The following CFAP107 variants were observed in gnomAD, a reference collection of about 807,000 sequenced individuals.
The protein encoded by CFAP107 is cilia- and flagella-associated protein 107.
the CFAP107 span, chr1:12,759,212 C>T: frequency 1.6e-4 from 221 of 1,379,390 alleles, 1 homozygote; most frequent in Middle Eastern, 9.3e-4. Flanking sequence ...TCTCCATCAG[C>T]ACCACAGACC....
chr1:12,760,493 A>G, the CFAP107 span, among the ~76,000 whole-genome samples: 2 of 152,292 alleles, frequency 1.3e-5, no homozygotes, highest in East Asian at 3.9e-4. Flanking sequence ...GCCACGCACA[A>G]CCACACCATG....
chr1:12,759,248 A>T, the CFAP107 span: 1 of 1,577,130 alleles, frequency 6.3e-7, no homozygotes, highest in Non-Finnish European at 8.7e-7. Context: ...TCCTGTCTCC[A>T]CCATGGCCAG....
chr1:12,750,230 A>G, the CFAP107 span, among the ~76,000 whole-genome samples: 10,595 of 152,256 alleles, frequency 0.07, 758 homozygotes, highest in African/African-American at 0.19. Flanking sequence ...AATGCCTATA[A>G]AATATTCACA....
At chr1:12,752,963 T>A in the CFAP107 span, among the ~76,000 whole-genome samples, 1 of 152,164 alleles carries the variant, frequency 6.6e-6, no homozygotes, top group Admixed American at 6.5e-5. Context: ...ACAGGAAACC[T>A]CTAATGATTT....
chr1:12,750,497 A>G, the CFAP107 span, among the ~76,000 whole-genome samples: 1 of 152,210 alleles, frequency 6.6e-6, no homozygotes, highest in Non-Finnish European at 1.5e-5. Flanking sequence ...GTGACTATAG[A>G]TTGAAGTACA....
chr1:12,755,270 C>T, the CFAP107 span, among the ~76,000 whole-genome samples: 6 of 152,126 alleles, frequency 3.9e-5, no homozygotes, highest in South Asian at 2.1e-4. Context: ...CTGGGCATGG[C>T]GGCCCATGCC....
chr1:12,746,491 A>G, the CFAP107 span: 3 of 1,613,794 alleles, frequency 1.9e-6, no homozygotes, highest in Non-Finnish European at 2.5e-6. Context: ...GATTGAGACC[A>G]AGTATTCAAC....
the CFAP107 span, among the ~76,000 whole-genome samples, chr1:12,757,051 C>T: frequency 6.6e-6 from 1 of 152,244 alleles, no homozygotes. Context: ...TGCTGAGCTT[C>T]ACCAGCAGTG....
chr1:12,754,235 C>A, the CFAP107 span, among the ~76,000 whole-genome samples: 2 of 152,264 alleles, frequency 1.3e-5, no homozygotes, highest in South Asian at 4.1e-4. Flanking sequence ...AGGTATTTCT[C>A]CAAAGAAGAT....
At chr1:12,760,984 T>C in the CFAP107 span, 1 of 1,573,854 alleles carries the variant, frequency 6.4e-7, no homozygotes, top group Non-Finnish European at 8.6e-7. Flanking sequence ...TCAGATAGAA[T>C]CAGCTGGAGA....
chr1:12,760,671 T>G, the CFAP107 span: 2 of 1,255,490 alleles, frequency 1.6e-6, no homozygotes, highest in Non-Finnish European at 1.1e-6. Flanking sequence ...CCTGGGAAAA[T>G]CTCCAGGGCC....
the CFAP107 span, among the ~76,000 whole-genome samples, chr1:12,756,508 G>T: frequency 4.6e-5 from 7 of 152,220 alleles, no homozygotes; most frequent in African/African-American, 1.7e-4. Context: ...AGCAGGCACA[G>T]CCTGGGGAGA....
the CFAP107 span, chr1:12,755,833 G>A: frequency 5.9e-6 from 9 of 1,514,176 alleles, no homozygotes; most frequent in East Asian, 1.4e-4. Flanking sequence ...AGTGGCAACT[G>A]GGACACTCAG....
chr1:12,747,604 C>A, the CFAP107 span, among the ~76,000 whole-genome samples: 2 of 152,156 alleles, frequency 1.3e-5, no homozygotes, highest in African/African-American at 4.8e-5. Context: ...GAATACTCAG[C>A]TTTGGTATGG....
At chr1:12,746,673 T>C in the CFAP107 span, 179 of 659,996 alleles carry the variant, frequency 2.7e-4, 1 homozygote, top group African/African-American at 2.8e-3. Context: ...TTGGGGTCTC[T>C]GTGCTCTACA....
chr1:12,754,720 T>C, the CFAP107 span, among the ~76,000 whole-genome samples: 1 of 152,290 alleles, frequency 6.6e-6, no homozygotes, highest in African/African-American at 2.4e-5. Flanking sequence ...ATGGATGAAT[T>C]TGGAAGACAT....
At chr1:12,755,777 C>A in the CFAP107 span, 1 of 1,613,644 alleles carries the variant, frequency 6.2e-7, no homozygotes, top group Non-Finnish European at 8.5e-7. Flanking sequence ...ACAGACCAGA[C>A]CAGATCTCCA....
chr1:12,751,488 G>A, the CFAP107 span, among the ~76,000 whole-genome samples: 1 of 152,046 alleles, frequency 6.6e-6, no homozygotes, highest in Non-Finnish European at 1.5e-5. Flanking sequence ...TTAGCTGGGT[G>A]TCGTGGTGCA....
At chr1:12,749,684 G>A in the CFAP107 span, among the ~76,000 whole-genome samples, 3 of 152,172 alleles carry the variant, frequency 2.0e-5, no homozygotes, top group Non-Finnish European at 4.4e-5. Context: ...GAGCCTGGAA[G>A]GCAGTGGGAT....
Sources: allele counts gnomAD v4.1 joint callset (sites outside exome capture counted in the v4.1 genomes callset), GRCh38; gene constraint gnomAD v4.1.1; transcripts MANE v1.5; gene names NCBI Gene and HGNC (gene_info 2026-07-23, HGNC 2026-07-21).